The following STX2 variants were observed in gnomAD, a reference collection of about 807,000 sequenced individuals.
STX2 encodes the protein syntaxin-2.
Under a neutral mutation model 40.6 loss-of-function variants are expected in STX2, and 27 were observed. The observed-to-expected ratio is 0.66, with a 90% CI of 0.49 to 0.92. The LOEUF is 0.92. Among genes scored for constraint, STX2 ranks in the 40% least tolerant of loss-of-function variants. The pLI is 0.00. For missense variants in STX2, 328 were observed against 366.1 expected (o/e 0.90, Z 0.85); for synonymous variants, 123 against 119.1 (o/e 1.03, Z -0.22).
rs934747203 is a variant in STX2 at position 130,839,200 on chromosome 12, C to T, written c.-101G>A. ...GTCTCCGCCTCAGGCCCCGCGGTCC[C>T]GGCCCGGCGCCAGCAGCCCTCCCTG... On this transcript the variant is annotated 5_prime_UTR_variant, in exon 1 of 11. Transcript: ENST00000392373. 5.9e-6 allele frequency: 6 copies of T among 1,022,816 alleles called. No homozygotes were observed. The highest frequency in any genetic ancestry group is 7.1e-6 in the Non-Finnish European group (6 of 841,330). 63.4% of individuals were successfully genotyped at this position (1,022,816 alleles called of 1,614,324 possible).
At chr12:130,830,408 G>A (rs529056711) in intron 1 of STX2, among the ~76,000 whole-genome samples, 93 of 152,164 alleles carry the variant, frequency 6.1e-4, no homozygotes, top group African/African-American at 2.2e-3. Flanking sequence ...CATGCTGCGC[G>A]ATGCACCCCC....
intron 3 of STX2, among the ~76,000 whole-genome samples, chr12:130,814,363 C>T (rs1309520299): frequency 6.6e-6 from 1 of 152,138 alleles, no homozygotes; most frequent in Non-Finnish European, 1.5e-5. Context: ...GGAGGAGAAG[C>T]GTCTGCTGCA....
At chr12:130,815,975 T>C (rs1042728406) in intron 3 of STX2, among the ~76,000 whole-genome samples, 2 of 152,110 alleles carry the variant, frequency 1.3e-5, no homozygotes, top group African/African-American at 4.8e-5. Context: ...AAATGGGGCA[T>C]TTGACAGGAA....
At chr12:130,838,996 C>T (rs546121395) in intron 1 of STX2, 74 bp downstream of exon 1, 2 of 779,360 alleles carry the variant, frequency 2.6e-6, no homozygotes, top group Admixed American at 9.4e-5. Context: ...CCGCCCAAGA[C>T]GCCCCGAGCC....
At chr12:130,808,755 T>A in intron 4 of STX2, 51 bp from the exon 5 acceptor site, 1 of 1,477,360 alleles carries the variant, frequency 6.8e-7, no homozygotes, top group Non-Finnish European at 9.3e-7. Flanking sequence ...ATGAAAATGT[T>A]CCAAGCCTGA....
chr12:130,812,829 ATAATT>A, intron 4 of STX2, 123 bp downstream of exon 4: 1 of 674,956 alleles, frequency 1.5e-6, no homozygotes, highest in Non-Finnish European at 2.5e-6. Flanking sequence ...TTACATACAA[ATAATT>A]TATTTTAAAG....
At chr12:130,804,257 G>C (rs1951340776) in intron 6 of STX2, among the ~76,000 whole-genome samples, 1 of 152,212 alleles carries the variant, frequency 6.6e-6, no homozygotes, top group Admixed American at 6.5e-5. Flanking sequence ...ACGGAAGGAA[G>C]AAAGAAAGGG....
chr12:130,811,791 C>T (rs1346841572), intron 4 of STX2, among the ~76,000 whole-genome samples: 2 of 152,258 alleles, frequency 1.3e-5, no homozygotes, highest in African/African-American at 2.4e-5. Context: ...CCACCCGCCT[C>T]GGCCTCCCAA....
Position 130,828,871 on chromosome 12 carries a change from AAAAAAAAAAAG to A in STX2, c.31-1615_31-1605del, listed in dbSNP as rs60949416. 4.4e-3 allele frequency among the ~76,000 whole-genome samples: 655 copies of A among 148,270 alleles called. 11 individuals carry two copies. The highest frequency in any genetic ancestry group is 0.016 in the African/African-American group (634 of 39,508). The stretch of plus-strand genomic sequence containing the variant: ...TGACAGAGCAAGACTCTGTCTCAAA[AAAAAAAAAAAG>A]AAAAGAAAAGAAAAGACAAAATGGC... On this transcript the variant is annotated intron_variant, in intron 1 of 10. Coordinates refer to ENST00000392373, the MANE Select transcript of STX2 (RefSeq NM_194356.4).
chr12:130,798,689 T>A, intron 8 of STX2, 54 bp from the exon 9 acceptor site: 1 of 1,361,344 alleles, frequency 7.3e-7, no homozygotes, highest in Non-Finnish European at 1.0e-6. Flanking sequence ...CTTAATCATG[T>A]ATCTTTAAGA....
intron 10 of STX2, among the ~76,000 whole-genome samples, chr12:130,792,992 G>A (rs1950921869): frequency 6.6e-6 from 1 of 152,216 alleles, no homozygotes; most frequent in African/African-American, 2.4e-5. Flanking sequence ...GACACAACAG[G>A]AGGCACCGCG....
At position 130,796,044 on chromosome 12, in the gene STX2, T is replaced by G. The variant is rs1951018198; in HGVS notation, c.863A>C (p.Lys288Thr). The change falls in exon 10 of 11, where the codon AAA (lysine) becomes ACA (threonine). Residue 288 changes from lysine to threonine, a missense_variant. Coordinates refer to ENST00000392373, the MANE Select transcript of STX2 (RefSeq NM_194356.4). The part of the protein sequence containing the change: ...IALIIGLSVG[K>T] ...ACACTGACGTTATCCACACCATCATTTGCCAACTGACAAGCCAATAATTAG... is the reference window on the plus strand; with the variant it reads ...ACACTGACGTTATCCACACCATCATGTGCCAACTGACAAGCCAATAATTAG... 6.2e-7 allele frequency: 1 copy of G among 1,614,162 alleles called. No individual in the cohort carries two copies. Among genetic ancestry groups the G allele is most frequent in the African/African-American group, 1.3e-5 (1 of 75,058 alleles).
chr12:130,806,926 G>A (rs1350503931), intron 6 of STX2, 56 bp downstream of exon 6: 9 of 1,474,754 alleles, frequency 6.1e-6, no homozygotes, highest in Non-Finnish European at 7.5e-6. Flanking sequence ...CATTTGAAGT[G>A]AGACCTTAAG....
chr12:130,812,670 T>C (rs548368481), intron 4 of STX2: 2 of 330,072 alleles, frequency 6.1e-6, no homozygotes, highest in East Asian at 7.3e-5. Context: ...TTGAAAGAAA[T>C]GAGCAATTAA....
intron 1 of STX2, among the ~76,000 whole-genome samples, chr12:130,835,209 C>T (rs1334017639): frequency 6.6e-6 from 1 of 152,138 alleles, no homozygotes; most frequent in Non-Finnish European, 1.5e-5. Context: ...GGATGGCTTG[C>T]GCCTGGGAGG....
intron 4 of STX2, among the ~76,000 whole-genome samples, chr12:130,809,777 A>C (rs1195930253): frequency 6.6e-6 from 1 of 152,208 alleles, no homozygotes; most frequent in East Asian, 1.9e-4. Context: ...AGATAGTGCC[A>C]TTGCACTCCA....
intron 1 of STX2, among the ~76,000 whole-genome samples, chr12:130,833,251 C>T (rs1256741985): frequency 3.3e-5 from 5 of 151,850 alleles, no homozygotes; most frequent in African/African-American, 9.7e-5. Flanking sequence ...CGTCAACAAA[C>T]GGAAACAGAG....
chr12:130,827,198 G>A lies in STX2; in HGVS notation c.100C>T (p.His34Tyr). The part of the protein sequence containing the change: ...EKDHFMDDFF[H>Y]QVEEIRNSID... ...GTTTCATTAAACGCTCTTACCTGATGGAAGAAATCATCCATGAAATGATCT... is the reference window on the plus strand; with the variant it reads ...GTTTCATTAAACGCTCTTACCTGATAGAAGAAATCATCCATGAAATGATCT... Residue 34 changes from histidine (H) to tyrosine (Y), a missense_variant, in exon 2 of 11, where the codon CAT becomes TAT. Physicochemically the swap from His to Tyr is moderately conservative, Grantham distance 83 (BLOSUM62 2). Coordinates refer to ENST00000392373, the MANE Select transcript of STX2 (RefSeq NM_194356.4). The A allele has an allele frequency of 6.2e-7, 1 of 1,613,358 alleles. No individual in the cohort carries two copies. Among genetic ancestry groups the A allele is most frequent in the South Asian group, 1.1e-5 (1 of 91,068 alleles).
chr12:130,811,885 C>G (rs1036224111), intron 4 of STX2, among the ~76,000 whole-genome samples: 1 of 152,130 alleles, frequency 6.6e-6, no homozygotes, highest in Non-Finnish European at 1.5e-5. Context: ...AATCTGTAAT[C>G]AGATGCTGCA....
Sources: allele counts gnomAD v4.1 joint callset (sites outside exome capture counted in the v4.1 genomes callset), GRCh38; gene constraint gnomAD v4.1.1; transcripts MANE v1.5; gene names NCBI Gene and HGNC (gene_info 2026-07-23, HGNC 2026-07-21).